The following LOXHD1 variants were observed in gnomAD, a reference collection of about 807,000 sequenced individuals.
The protein encoded by LOXHD1 is lipoxygenase homology PLAT domains 1, also known as lipoxygenase homology domain-containing protein 1.
Under a neutral mutation model 248.2 loss-of-function variants are expected in LOXHD1, and 205 were observed. The ratio of observed to expected loss-of-function variants is 0.83; its 90% CI spans 0.74 to 0.93. The LOEUF (loss-of-function observed/expected upper bound fraction) is 0.93. LOXHD1 is among the 40% of genes least tolerant of loss of function. The probability of loss-of-function intolerance (pLI) is 0.00; values close to 1 mark genes in which losing one functional copy is unlikely to be tolerated. For synonymous variants in LOXHD1, 1,113 were observed against 1,162.8 expected, an observed-to-expected ratio of 0.96 and a Z score of 0.87; for missense variants, 2,930 against 2,971.6, an observed-to-expected ratio of 0.99 and a Z score of 0.33.
rs886053822 is a variant in LOXHD1, at chr18:46,477,635, C to A, written c.6659G>T (p.Arg2220Leu). ...TLELGELRKV[R>L]LEHDSSGYCS... ...GTAGCCACTGCTGTCGTGCTCCAGG[C>A]GCACCTTGCGCAGCTCACCCAGCTC... The change falls in exon 41 of 41, where the codon CGC becomes CTC. Residue 2220 changes from arginine to leucine, a missense_variant. Physicochemically the swap from Arg to Leu is moderately radical, Grantham distance 102. Coordinates refer to ENST00000642948, the MANE Select transcript of LOXHD1 (RefSeq NM_001384474.1). 5 of 1,551,776 alleles carry A rather than the reference C, an allele frequency of 3.2e-6. No individual in the cohort carries two copies. The East Asian group carries it at 7.3e-5, about 23-fold the overall frequency.
At chr18:46,588,219 A>G (rs975574590) in intron 12 of LOXHD1, among the ~76,000 whole-genome samples, 4 of 152,020 alleles carry the variant, frequency 2.6e-5, no homozygotes, top group Non-Finnish European at 4.4e-5. Context: ...CAAGCATAAG[A>G]TAAATGTTTG....
intron 37 of LOXHD1, among the ~76,000 whole-genome samples, chr18:46,498,156 C>G (rs151204838): frequency 0.022 from 3,384 of 152,274 alleles, 56 homozygotes; most frequent in South Asian, 0.034. Flanking sequence ...CTAAACAGAT[C>G]ACTACTTGAC....
At position 46,629,665 on chromosome 18, in the gene LOXHD1, A is replaced by G. The variant is rs2038793286; in HGVS notation, c.511+9951T>C. On this transcript the variant is annotated intron_variant, in intron 4 of 40. Transcript: ENST00000642948. ...ATGGCCTGGAATAAAACTATAACCCAGTTACCTGATGAAACAGCCAGGAAT... is the reference window on the plus strand; with the variant it reads ...ATGGCCTGGAATAAAACTATAACCCGGTTACCTGATGAAACAGCCAGGAAT... Among the ~76,000 whole-genome samples the G allele has an allele frequency of 2.6e-5, 4 of 152,180 alleles. No individual in the cohort carries two copies. The South Asian group carries it at 8.3e-4, about 32-fold the overall frequency.
Position 46,559,598 on chromosome 18 carries a change from G to A in LOXHD1, c.3066C>T (p.Asn1022=). Residue 1022 remains asparagine (N), a synonymous_variant, in exon 20 of 41, where the codon AAC becomes AAT. Coordinates refer to ENST00000642948, the MANE Select transcript of LOXHD1 (RefSeq NM_001384474.1). ...VPAGKPGPER[N]TYEVQVVTGN... is the part of the protein sequence containing the mutation. ...CCGTGACCACCTGAACCTCATAGGT[G>A]TTTCCTGTAGACACAGAAAGATGCA... is the stretch of plus-strand genomic sequence containing the variant. The A allele has an allele frequency of 1.3e-6, 2 of 1,551,702 alleles. No homozygotes were observed. The highest frequency in any genetic ancestry group is 1.7e-6 in the Non-Finnish European group (2 of 1,146,930).
chr18:46,558,959 G>GA (rs1568183441), intron 20 of LOXHD1: 3 of 409,956 alleles, frequency 7.3e-6, no homozygotes, highest in Non-Finnish European at 1.4e-5. Flanking sequence ...TCAGCTGGAA[G>GA]ACACACTGTC....
intron 4 of LOXHD1, among the ~76,000 whole-genome samples, chr18:46,638,499 G>A (rs1033418023): frequency 6.6e-6 from 1 of 152,128 alleles, no homozygotes; most frequent in African/African-American, 2.4e-5. Context: ...TGGGTGTGGT[G>A]TCAGGCACCT....
At chr18:46,520,783 T>G in intron 33 of LOXHD1, 1 of 310,020 alleles carries the variant, frequency 3.2e-6, no homozygotes, top group Admixed American at 4.5e-5. Flanking sequence ...AATTGTGATC[T>G]CATTAATTCT....
intron 4 of LOXHD1, among the ~76,000 whole-genome samples, chr18:46,626,733 A>G (rs564735872): frequency 5.3e-5 from 8 of 152,314 alleles, no homozygotes; most frequent in African/African-American, 1.9e-4. Flanking sequence ...TGTCTCCAAC[A>G]CAATTGTACT....
intron 5 of LOXHD1, among the ~76,000 whole-genome samples, chr18:46,611,886 T>G (rs2038513960): frequency 6.6e-6 from 1 of 152,180 alleles, no homozygotes; most frequent in Admixed American, 6.5e-5. Flanking sequence ...CCAAGAATTT[T>G]TGTTTGCATA....
At position 46,577,678 on chromosome 18, in the gene LOXHD1, GA is replaced by G. The variant is rs781468859; in HGVS notation, c.1970+28del. On this transcript the variant is annotated intron_variant, in intron 14 of 40. Transcript: ENST00000642948. ...CACAGGGATCATAACCTAAGCTGGA[GA>G]AAACACCAGCAGGCAGGACGCATGT... 153 of 1,544,206 alleles carry G rather than the reference GA, an allele frequency of 9.9e-5. 1 individual carries two copies. Among genetic ancestry groups the G allele is most frequent in the Admixed American group, 8.3e-4 (42 of 50,880 alleles).
chr18:46,608,527 C>A (rs2038456871), intron 6 of LOXHD1, among the ~76,000 whole-genome samples: 1 of 152,198 alleles, frequency 6.6e-6, no homozygotes. Flanking sequence ...AGAAAGTGGA[C>A]TTCAAGGTAC....
intron 2 of LOXHD1, among the ~76,000 whole-genome samples, chr18:46,648,623 A>G (rs1307724479): frequency 6.6e-6 from 1 of 152,110 alleles, no homozygotes; most frequent in Non-Finnish European, 1.5e-5. Flanking sequence ...AACGGTCCCA[A>G]CTCTCACTAG....
chr18:46,542,618 A>T, intron 24 of LOXHD1, 109 bp downstream of exon 24: 1 of 1,328,098 alleles, frequency 7.5e-7, no homozygotes, highest in Non-Finnish European at 1.0e-6. Context: ...CTGTGTCATT[A>T]CAGAAGACAG....
chr18:46,644,040 T>C (rs2038996857), intron 2 of LOXHD1, among the ~76,000 whole-genome samples: 1 of 152,210 alleles, frequency 6.6e-6, no homozygotes, highest in Non-Finnish European at 1.5e-5. Context: ...GTTGGCTCCT[T>C]GTTCTTGTCT....
At chr18:46,514,961 T>C (rs1424019392) in intron 34 of LOXHD1, among the ~76,000 whole-genome samples, 2 of 152,214 alleles carry the variant, frequency 1.3e-5, no homozygotes, top group Admixed American at 1.3e-4. Context: ...TGCATTACCT[T>C]TTAGGGCATC....
intron 12 of LOXHD1, among the ~76,000 whole-genome samples, chr18:46,585,877 G>C (rs7244302): frequency 0.039 from 5,907 of 152,240 alleles, 384 homozygotes; most frequent in African/African-American, 0.14. Context: ...GTGAACCAAA[G>C]AGCTACCAAA....
At chr18:46,506,820 A>G (rs2034604254) in intron 36 of LOXHD1, among the ~76,000 whole-genome samples, 1 of 152,186 alleles carries the variant, frequency 6.6e-6, no homozygotes, top group African/African-American at 2.4e-5. Flanking sequence ...TCCTTCATTC[A>G]CCATTTATAA....
At chr18:46,492,721 G>A (rs544574690) in intron 37 of LOXHD1, among the ~76,000 whole-genome samples, 1 of 152,252 alleles carries the variant, frequency 6.6e-6, no homozygotes, top group Non-Finnish European at 1.5e-5. Context: ...TTACACAAAA[G>A]TAACAAACAC....
Position 46,649,234 on chromosome 18 carries a change from C to T in LOXHD1, c.166G>A (p.Gly56Ser), listed in dbSNP as rs200763838. The T allele has an allele frequency of 2.6e-4, 402 of 1,551,830 alleles. 1 individual carries two copies. The highest frequency in any genetic ancestry group is 1.3e-3 in the Middle Eastern group (8 of 5,986). The change falls in exon 2 of 41, where the codon GGT (glycine) becomes AGT (serine). Residue 56 changes from glycine to serine, a missense_variant. Transcript: ENST00000642948. ...AAGACATTGGCATCCGTCCCTGCAC[C>T]GCGAACATCCCCCGTGGCTGTGACC... ...EVVTATGDVR[G>S]AGTDANVFIT...
Sources: allele counts gnomAD v4.1 joint callset (sites outside exome capture counted in the v4.1 genomes callset), GRCh38; gene constraint gnomAD v4.1.1; transcripts MANE v1.5; gene names NCBI Gene and HGNC (gene_info 2026-07-23, HGNC 2026-07-21).